The following RALGAPA2 variants were observed in gnomAD, a reference collection of about 807,000 sequenced individuals.
RALGAPA2 encodes Ral GTPase activating protein catalytic subunit alpha 2.
RALGAPA2 carries 139 observed loss-of-function variants against 230.4 expected under a neutral mutation model. The observed-to-expected ratio is 0.60, with a 90% confidence interval of 0.53 to 0.69. The LOEUF (loss-of-function observed/expected upper bound fraction) is 0.69, where lower values mean the gene tolerates loss of function less well. Ranked by LOEUF, RALGAPA2 falls within the 30% of genes least tolerant of loss-of-function variation. The pLI, the probability that RALGAPA2 is intolerant of heterozygous loss-of-function variation, is 0.00. For missense variants in RALGAPA2, 2,163 were observed against 2,276.0 expected, an observed-to-expected ratio of 0.95 and a Z score of 1.01; for synonymous variants, 847 against 837.8, an observed-to-expected ratio of 1.01 and a Z score of -0.19.
chr20:20,471,956 T>C (rs904980202), intron 37 of RALGAPA2: 2 of 152,202 alleles, frequency 1.3e-5, no homozygotes, highest in South Asian at 4.1e-4. Context: ...CATCACTTAC[T>C]ATCAGGTTGG....
intron 38 of RALGAPA2, among the ~76,000 whole-genome samples, chr20:20,411,177 G>A (rs1358203306): frequency 6.6e-6 from 1 of 152,122 alleles, no homozygotes; most frequent in Non-Finnish European, 1.5e-5. Flanking sequence ...TAAAGCAGTG[G>A]AAGAAGAAGG....
rs1458138369 is a variant in RALGAPA2, at chr20:20,666,735, A to G, written c.270+9501T>C. 2.0e-5 allele frequency among the ~76,000 whole-genome samples: 3 copies of G among 152,238 alleles called. No homozygotes were observed. The East Asian group carries it at 5.8e-4, about 29-fold the overall frequency. ...AGAAAAGCCATTAGCCATTGTATAA[A>G]GAAAGAAAAGGAATCGTTACTTAAT... On this transcript the variant is annotated intron_variant, in intron 3 of 39. Transcript: ENST00000202677.
chr20:20,696,730 C>A (rs955556730), intron 1 of RALGAPA2, among the ~76,000 whole-genome samples: 5 of 152,036 alleles, frequency 3.3e-5, no homozygotes, highest in African/African-American at 1.2e-4. Flanking sequence ...CACTATTCCC[C>A]AAAAATAATC....
chr20:20,595,576 T>C (rs916318609), intron 16 of RALGAPA2, among the ~76,000 whole-genome samples: 3 of 152,168 alleles, frequency 2.0e-5, no homozygotes, highest in African/African-American at 2.4e-5. Context: ...ATTACTACTA[T>C]TACAATATTC....
intron 38 of RALGAPA2, among the ~76,000 whole-genome samples, chr20:20,403,415 T>A (rs1345593943): frequency 1.3e-5 from 2 of 152,180 alleles, no homozygotes; most frequent in African/African-American, 2.4e-5. Context: ...GGGTCTTAAG[T>A]GGACCTGAGT....
rs149885476 is a variant in RALGAPA2, at chr20:20,628,743, T to C, written c.1233+620A>G. ...CCCTAGGGAGTAGCATCAAACCCAG[T>C]TGCAAACCTCTGATGTCACTCACGG... On this transcript the variant is annotated intron_variant, in intron 10 of 39. Transcript: ENST00000202677. Among the ~76,000 whole-genome samples, 428 of 152,338 alleles carry C rather than the reference T, an allele frequency of 2.8e-3. 3 individuals are homozygous for C. The highest frequency in any genetic ancestry group is 0.014 in the Middle Eastern group (4 of 294).
At chr20:20,670,521 T>C (rs556215729) in intron 3 of RALGAPA2, among the ~76,000 whole-genome samples, 3 of 152,118 alleles carry the variant, frequency 2.0e-5, no homozygotes, top group Admixed American at 1.3e-4. Context: ...CCGGTTAAGA[T>C]GGTAAATGTA....
At chr20:20,604,690 A>G (rs1402012481) in intron 15 of RALGAPA2, among the ~76,000 whole-genome samples, 4 of 151,168 alleles carry the variant, frequency 2.6e-5, no homozygotes, top group African/African-American at 7.3e-5. Flanking sequence ...TTTTTTTGCA[A>G]TTTCTTTTTT....
chr20:20,494,074 T>C (rs1363356613), intron 36 of RALGAPA2, among the ~76,000 whole-genome samples: 1 of 152,138 alleles, frequency 6.6e-6, no homozygotes, highest in Non-Finnish European at 1.5e-5. Flanking sequence ...GCAACAATAA[T>C]AATAATAATA....
intron 39 of RALGAPA2, among the ~76,000 whole-genome samples, chr20:20,395,208 GC>G (rs886390997): frequency 2.0e-5 from 3 of 152,240 alleles, no homozygotes; most frequent in African/African-American, 7.2e-5. Context: ...CAGCTGGGCT[GC>G]AGCCAGTGCC....
At chr20:20,545,237 T>C (rs2063749451) in intron 24 of RALGAPA2, among the ~76,000 whole-genome samples, 1 of 152,116 alleles carries the variant, frequency 6.6e-6, no homozygotes, top group Admixed American at 6.6e-5. Context: ...CTTTTTTTTT[T>C]CTTTTTAAGA....
intron 20 of RALGAPA2, among the ~76,000 whole-genome samples, chr20:20,576,797 T>C (rs944348153): frequency 2.6e-5 from 4 of 152,148 alleles, no homozygotes; most frequent in Non-Finnish European, 5.9e-5. Context: ...TAGCATACTG[T>C]ATTATTTTAA....
chr20:20,509,287 T>C (rs541183553), intron 33 of RALGAPA2, among the ~76,000 whole-genome samples: 2 of 152,312 alleles, frequency 1.3e-5, no homozygotes, highest in South Asian at 4.1e-4. Flanking sequence ...AGGTTTTTCA[T>C]TTCTAATGAC....
chr20:20,547,019 A>C (rs1915547815), intron 23 of RALGAPA2, among the ~76,000 whole-genome samples, 187 bp from the exon 24 acceptor site: 1 of 152,228 alleles, frequency 6.6e-6, no homozygotes, highest in Admixed American at 6.5e-5. Flanking sequence ...TTTAAAGGTA[A>C]GATTGGAGAC....
intron 36 of RALGAPA2, 88 bp downstream of exon 36, chr20:20,495,029 T>C: frequency 7.9e-7 from 1 of 1,266,392 alleles, no homozygotes; most frequent in Non-Finnish European, 1.1e-6. Flanking sequence ...GAGTCCCCTT[T>C]AACATATTTG....
rs1458056593 is a variant in RALGAPA2, at chr20:20,583,720, C to A, written c.2531-494G>T. On this transcript the variant is annotated intron_variant, in intron 19 of 39. Coordinates refer to ENST00000202677, the MANE Select transcript of RALGAPA2 (RefSeq NM_020343.4). ...CTGGGGATATAGTGTCCCAATACAA[C>A]AGATTTTCTAGAACAGAAATTCTCC... 2.0e-5 allele frequency among the ~76,000 whole-genome samples: 3 copies of A among 152,294 alleles called. No individual in the cohort carries two copies. In the East Asian group the frequency reaches 5.8e-4, roughly 29 times the overall value.
At chr20:20,425,984 C>T (rs1265680932) in intron 37 of RALGAPA2, among the ~76,000 whole-genome samples, 1 of 152,194 alleles carries the variant, frequency 6.6e-6, no homozygotes, top group African/African-American at 2.4e-5. Flanking sequence ...TCACAACAAA[C>T]GGCCCTGGAG....
In RALGAPA2 at chr20:20,536,728, G is replaced by C. The variant is rs372155707; in HGVS notation, c.3342C>G (p.Thr1114=). The C allele has an allele frequency of 9.9e-6, 16 of 1,613,018 alleles. No homozygotes were observed. In the African/African-American group the frequency reaches 1.9e-4, roughly 19 times the overall value. Residue 1114 remains threonine, a synonymous_variant, in exon 25 of 40, where the codon ACC becomes ACG. Transcript: ENST00000202677. ...VLGSLVCFPN[T]YQEIPLLQSV... ...ACTGCAGTAAAGGAATCTCCTGGTA[G>C]GTATTTGGAAAGCAGACCAGAGAGC... is the stretch of plus-strand genomic sequence containing the variant.
chr20:20,431,325 G>C (rs1025611249), intron 37 of RALGAPA2, among the ~76,000 whole-genome samples: 1 of 152,220 alleles, frequency 6.6e-6, no homozygotes, highest in Admixed American at 6.5e-5. Context: ...ATGCATGGTG[G>C]TGAGTCTGGC....
Sources: gnomAD v4.1 joint callset for allele counts (sites outside exome capture counted in the v4.1 genomes callset) on GRCh38, gnomAD v4.1.1 for gene constraint, MANE v1.5 for transcripts, NCBI Gene and HGNC (gene_info 2026-07-23, HGNC 2026-07-21) for gene names.